Variants in ARMH4 observed in about 807,000 individuals in gnomAD.
ARMH4 encodes the protein armadillo like helical domain containing 4.
A neutral mutation model predicts 61.9 loss-of-function variants in ARMH4; 49 were observed. That is an observed-to-expected ratio of 0.79 (90% CI 0.63 to 1.00). The LOEUF is 1.00. Among genes scored for constraint, ARMH4 ranks in the 50% least tolerant of loss-of-function variants. The probability of loss-of-function intolerance (pLI) is 0.00; values close to 1 mark genes in which losing one functional copy is unlikely to be tolerated. For synonymous variants in ARMH4, 368 were observed against 341.5 expected (o/e 1.08, Z -0.85); for missense variants, 934 against 930.0 (o/e 1.00, Z -0.06).
At chr14:58,042,899 A>T (rs189899593) in intron 5 of ARMH4, among the ~76,000 whole-genome samples, 2 of 152,336 alleles carry the variant, frequency 1.3e-5, no homozygotes, top group Admixed American at 6.5e-5. Flanking sequence ...AACCAGGAAG[A>T]ACTTGAATCT....
intron 5 of ARMH4, among the ~76,000 whole-genome samples, chr14:58,088,889 T>A: frequency 6.6e-6 from 1 of 152,178 alleles, no homozygotes; most frequent in East Asian, 1.9e-4. Context: ...CAGCAACACT[T>A]CTGAAAATGC....
chr14:58,094,141 C>A (rs1885667894), intron 5 of ARMH4, among the ~76,000 whole-genome samples: 1 of 151,808 alleles, frequency 6.6e-6, no homozygotes, highest in Non-Finnish European at 1.5e-5. Context: ...ACCAGCCTAG[C>A]CAATATGGTG....
chr14:58,064,974 T>A (rs1034388475), intron 5 of ARMH4, among the ~76,000 whole-genome samples: 1 of 152,220 alleles, frequency 6.6e-6, no homozygotes, highest in Non-Finnish European at 1.5e-5. Context: ...CCAGGTGTGG[T>A]GGTTTATGCC....
At chr14:58,085,865 T>C (rs1293179072) in intron 5 of ARMH4, among the ~76,000 whole-genome samples, 2 of 152,154 alleles carry the variant, frequency 1.3e-5, no homozygotes, top group African/African-American at 4.8e-5. Context: ...CTACAGGGCA[T>C]TAAAGAAACA....
At chr14:58,091,827 A>T (rs138838681) in intron 5 of ARMH4, among the ~76,000 whole-genome samples, 1 of 152,314 alleles carries the variant, frequency 6.6e-6, no homozygotes, top group Non-Finnish European at 1.5e-5. Flanking sequence ...TTGACCCATC[A>T]GTCAATACAC....
intron 4 of ARMH4, among the ~76,000 whole-genome samples, chr14:58,099,309 G>A (rs900167341): frequency 1.3e-5 from 2 of 152,262 alleles, no homozygotes; most frequent in Middle Eastern, 3.4e-3. Flanking sequence ...CCACATTCCC[G>A]GGCAAAGCCA....
chr14:58,140,033 C>T (rs1015336344), intron 1 of ARMH4, among the ~76,000 whole-genome samples: 3 of 149,876 alleles, frequency 2.0e-5, no homozygotes, highest in Non-Finnish European at 4.4e-5. Flanking sequence ...ACTTTGGAGG[C>T]TGACATGGGT....
chr14:58,068,719 A>T (rs767581908), intron 5 of ARMH4, among the ~76,000 whole-genome samples: 1 of 151,924 alleles, frequency 6.6e-6, no homozygotes, highest in Non-Finnish European at 1.5e-5. Flanking sequence ...CTTAAAGAAG[A>T]CTCTAGGCCA....
At chr14:58,081,629 T>C (rs890984911) in intron 5 of ARMH4, among the ~76,000 whole-genome samples, 3 of 151,936 alleles carry the variant, frequency 2.0e-5, no homozygotes, top group Non-Finnish European at 4.4e-5. Context: ...GCCTCCCAAG[T>C]AGCTGGGACT....
At chr14:58,120,478 C>T (rs916378857) in intron 4 of ARMH4, among the ~76,000 whole-genome samples, 2 of 151,946 alleles carry the variant, frequency 1.3e-5, no homozygotes, top group South Asian at 4.2e-4. Flanking sequence ...ACTTAGAGTC[C>T]TTTTTTTGTG....
intron 5 of ARMH4, among the ~76,000 whole-genome samples, chr14:58,064,837 C>T (rs1884651092): frequency 1.3e-5 from 2 of 152,156 alleles, no homozygotes; most frequent in Admixed American, 6.5e-5. Context: ...GTACAATTCA[C>T]TCTTGAATGC....
At chr14:58,073,197 T>G (rs560089536) in intron 5 of ARMH4, among the ~76,000 whole-genome samples, 1 of 152,132 alleles carries the variant, frequency 6.6e-6, no homozygotes, top group African/African-American at 2.4e-5. Context: ...AAATAAATGA[T>G]GAGAAGAAGA....
chr14:58,051,282 T>C (rs768498775), intron 5 of ARMH4, among the ~76,000 whole-genome samples: 25 of 152,008 alleles, frequency 1.6e-4, no homozygotes, highest in Non-Finnish European at 3.7e-4. Context: ...CTTCAGAAAA[T>C]ACCACATCAG....
chr14:58,038,810 C>T (rs1457103042), intron 5 of ARMH4, among the ~76,000 whole-genome samples: 1 of 152,154 alleles, frequency 6.6e-6, no homozygotes, highest in Non-Finnish European at 1.5e-5. Flanking sequence ...TGCATTATGG[C>T]TACTGGCTAC....
chr14:58,017,299 C>G lies in ARMH4; in HGVS notation c.2090-5149G>C, dbSNP rs1432343789. 2.6e-5 allele frequency among the ~76,000 whole-genome samples: 4 copies of G among 152,046 alleles called. No individual in the cohort carries two copies. The South Asian group carries it at 8.3e-4, about 32-fold the overall frequency. On this transcript the variant is annotated intron_variant, in intron 5 of 7. Coordinates refer to ENST00000267485, the MANE Select transcript of ARMH4 (RefSeq NM_001001872.4). ...ACTGCACTCCACCCTTGGCAACAGA[C>G]CAACACCCTGTCTCAAAATAATAAG... is the stretch of plus-strand genomic sequence containing the variant.
intron 5 of ARMH4, among the ~76,000 whole-genome samples, chr14:58,053,881 C>T (rs959326550): frequency 5.9e-5 from 9 of 152,154 alleles, no homozygotes; most frequent in South Asian, 2.1e-4. Context: ...TGGGTCTTTA[C>T]GTCATGTTTT....
chr14:58,136,666 G>A (rs547062489), intron 2 of ARMH4, among the ~76,000 whole-genome samples: 7 of 152,174 alleles, frequency 4.6e-5, no homozygotes, highest in African/African-American at 1.4e-4. Context: ...GAAGTAACAC[G>A]TTGTACATGT....
intron 5 of ARMH4, among the ~76,000 whole-genome samples, chr14:58,064,081 C>A (rs1009912250): frequency 5.3e-5 from 8 of 149,890 alleles, no homozygotes; most frequent in Admixed American, 2.0e-4. Context: ...TAGGTTGAGC[C>A]AACACCCAAA....
rs1344906821 is a variant in ARMH4 at position 58,038,567 on chromosome 14, A to ATT, written c.2090-26418_2090-26417insAA. Among the ~76,000 whole-genome samples the ATT allele has an allele frequency of 1.7e-3, 255 of 151,522 alleles. 7 individuals are homozygous for ATT. In the East Asian group the frequency reaches 0.045, roughly 27 times the overall value. On this transcript the variant is annotated intron_variant, in intron 5 of 7. Transcript: ENST00000267485. ...TAAAGTATAATAAAAAAAAATTAAA[A>ATT]AAAAAAAAAGAAATACTTAAATTCC...
Sources: gnomAD v4.1 joint callset for allele counts (sites outside exome capture counted in the v4.1 genomes callset) on GRCh38, gnomAD v4.1.1 for gene constraint, MANE v1.5 for transcripts, NCBI Gene and HGNC (gene_info 2026-07-23, HGNC 2026-07-21) for gene names.